Variants in FRAS1 observed in about 807,000 individuals in gnomAD.
FRAS1 encodes Fraser extracellular matrix complex subunit 1, also known as extracellular matrix organizing protein FRAS1.
FRAS1 carries 290 observed loss-of-function variants against 435.2 expected under a neutral mutation model. The observed-to-expected ratio is 0.67, with a 90% CI of 0.61 to 0.73. The LOEUF (loss-of-function observed/expected upper bound fraction) is 0.73, where lower values mean the gene tolerates loss of function less well. Among genes scored for constraint, FRAS1 ranks in the 30% least tolerant of loss-of-function variants. The pLI, the probability that FRAS1 is intolerant of heterozygous loss-of-function variation, is 0.00. For missense variants in FRAS1, 4,860 were observed against 5,001.5 expected (o/e 0.97, Z 0.85); for synonymous variants, 1,800 against 1,851.0 (o/e 0.97, Z 0.71).
intron 3 of FRAS1, 30 bp from the exon 4 acceptor site, chr4:78,245,203 T>A: frequency 6.6e-7 from 1 of 1,504,536 alleles, no homozygotes; most frequent in South Asian, 1.2e-5. Context: ...GCTGCTGCTG[T>A]TTTACTTTGA....
chr4:78,123,525 T>C (rs1719152874), intron 2 of FRAS1, among the ~76,000 whole-genome samples: 1 of 152,160 alleles, frequency 6.6e-6, no homozygotes, highest in South Asian at 2.1e-4. Context: ...AAGTCAGTGG[T>C]AGCTTGATGG....
chr4:78,326,227 C>T (rs1223151529), intron 18 of FRAS1, among the ~76,000 whole-genome samples: 1 of 152,062 alleles, frequency 6.6e-6, no homozygotes, highest in Non-Finnish European at 1.5e-5. Context: ...TGCACTAACC[C>T]AAGTCATGAA....
intron 23 of FRAS1, 45 bp downstream of exon 23, chr4:78,370,029 T>C (rs1332689219): frequency 1.3e-6 from 2 of 1,576,616 alleles, no homozygotes; most frequent in South Asian, 1.1e-5. Flanking sequence ...TACACAGTGA[T>C]ACCACTTTAC....
intron 9 of FRAS1, among the ~76,000 whole-genome samples, chr4:78,271,421 G>A (rs1312588011): frequency 1.3e-5 from 2 of 152,018 alleles, no homozygotes; most frequent in African/African-American, 2.4e-5. Flanking sequence ...CCATTAACTC[G>A]TCATTTAGCA....
At chr4:78,105,606 T>C (rs977830643) in intron 2 of FRAS1, among the ~76,000 whole-genome samples, 3 of 152,184 alleles carry the variant, frequency 2.0e-5, no homozygotes, top group African/African-American at 7.2e-5. Flanking sequence ...AGGATGTGTG[T>C]TCCTCACCAT....
chr4:78,470,763 C>CAG (rs1160496603), intron 51 of FRAS1, among the ~76,000 whole-genome samples: 2 of 152,140 alleles, frequency 1.3e-5, no homozygotes, highest in Non-Finnish European at 2.9e-5. Flanking sequence ...TTGTAATCCT[C>CAG]AGAGAAGCCT....
chr4:78,362,245 A>C (rs1731098028), intron 20 of FRAS1, among the ~76,000 whole-genome samples: 1 of 152,226 alleles, frequency 6.6e-6, no homozygotes, highest in Non-Finnish European at 1.5e-5. Flanking sequence ...ATTATTTACT[A>C]ACCTCAGTCC....
chr4:78,450,093 A>G, intron 44 of FRAS1, 58 bp from the exon 45 acceptor site: 1 of 1,395,666 alleles, frequency 7.2e-7, no homozygotes, highest in Non-Finnish European at 9.9e-7. Context: ...AAATCATTTG[A>G]CATCCCGTTC....
At chr4:78,131,340 C>T (rs1337355055) in intron 2 of FRAS1, among the ~76,000 whole-genome samples, 1 of 152,120 alleles carries the variant, frequency 6.6e-6, no homozygotes, top group Non-Finnish European at 1.5e-5. Flanking sequence ...TAGTCTTTTC[C>T]TTTCAGCACA....
At chr4:78,399,510 A>G (rs1189386237) in intron 29 of FRAS1, among the ~76,000 whole-genome samples, 1 of 152,174 alleles carries the variant, frequency 6.6e-6, no homozygotes, top group Non-Finnish European at 1.5e-5. Flanking sequence ...AATGTCAATT[A>G]TGAGGCTTTG....
intron 16 of FRAS1, among the ~76,000 whole-genome samples, chr4:78,317,145 A>C (rs1199452315): frequency 6.6e-6 from 1 of 152,258 alleles, no homozygotes; most frequent in Admixed American, 6.5e-5. Context: ...CAAACACTAA[A>C]TAAAGGGTAG....
At chr4:78,307,586 G>A (rs1490132098) in intron 14 of FRAS1, among the ~76,000 whole-genome samples, 3 of 152,374 alleles carry the variant, frequency 2.0e-5, no homozygotes, top group East Asian at 3.9e-4. Flanking sequence ...CGTCGGAAAA[G>A]CGCAGTATTC....
At chr4:78,523,045 C>T (rs961360873) in intron 69 of FRAS1, among the ~76,000 whole-genome samples, 1 of 152,084 alleles carries the variant, frequency 6.6e-6, no homozygotes, top group African/African-American at 2.4e-5. Context: ...TGCAAATAGC[C>T]ACTGCACTCC....
intron 16 of FRAS1, 48 bp downstream of exon 16, chr4:78,315,782 G>T (rs1338236036): frequency 6.2e-6 from 10 of 1,602,014 alleles, no homozygotes; most frequent in Non-Finnish European, 8.5e-6. Flanking sequence ...TTGAGTACAT[G>T]TTTGACTATA....
At chr4:78,161,742 C>CAAAAA (rs71214399) in intron 2 of FRAS1, among the ~76,000 whole-genome samples, 1,243 of 25,084 alleles carry the variant, frequency 0.05, 9 homozygotes, top group Non-Finnish European at 0.055. Context: ...AACTCTGTCT[C>CAAAAA]AAAAAAAAAA....
rs746047284 is a variant in FRAS1 at position 78,445,701 on chromosome 4, A to G, written c.5845A>G (p.Ile1949Val). The change falls in exon 42 of 74, where the codon ATC (isoleucine) becomes GTC (valine). Residue 1949 changes from isoleucine (I) to valine (V), a missense_variant. By Grantham distance (29) the Ile-to-Val change is conservative. Coordinates refer to ENST00000512123, the MANE Select transcript of FRAS1 (RefSeq NM_025074.7). ...TSRSEIHSIN[I>V]TIERKNDEPP... ...TCGTTCAGAAATTCACAGCATCAAT[A>G]TCACCATTGAGGTAAAGACTTTGGA... The G allele has an allele frequency of 1.2e-6, 2 of 1,613,852 alleles. No individual in the cohort carries two copies. The highest frequency in any genetic ancestry group is 4.5e-5 in the East Asian group (2 of 44,896).
intron 2 of FRAS1, among the ~76,000 whole-genome samples, chr4:78,177,623 G>A (rs1347185396): frequency 6.6e-6 from 1 of 152,190 alleles, no homozygotes. Context: ...GGCAGGGGTG[G>A]CCGTAGGGAA....
intron 61 of FRAS1, among the ~76,000 whole-genome samples, chr4:78,504,980 A>T (rs975726860): frequency 1.3e-5 from 2 of 152,174 alleles, no homozygotes; most frequent in African/African-American, 4.8e-5. Flanking sequence ...TCCTTCACTT[A>T]TGAAGCTTAG....
chr4:78,193,267 TC>T (rs1722635961), intron 2 of FRAS1, among the ~76,000 whole-genome samples: 1 of 152,158 alleles, frequency 6.6e-6, no homozygotes, highest in African/African-American at 2.4e-5. Flanking sequence ...GGTGGAGAGT[TC>T]TGCAGATGTC....
Sources: gnomAD v4.1 joint callset for allele counts (sites outside exome capture counted in the v4.1 genomes callset) on GRCh38, gnomAD v4.1.1 for gene constraint, MANE v1.5 for transcripts, NCBI Gene and HGNC (gene_info 2026-07-23, HGNC 2026-07-21) for gene names.